The following KANK4 variants were observed in gnomAD, a reference collection of about 807,000 sequenced individuals.
KANK4 encodes KN motif and ankyrin repeat domains 4.
Under a neutral mutation model 80.8 loss-of-function variants are expected in KANK4, and 50 were observed. The observed-to-expected ratio is 0.62, with a 90% CI of 0.49 to 0.78. The LOEUF (loss-of-function observed/expected upper bound fraction) is 0.78, where lower values mean the gene tolerates loss of function less well. Among genes scored for constraint, KANK4 ranks in the 30% least tolerant of loss-of-function variants. The pLI is 0.00. For missense variants in KANK4, 1,196 were observed against 1,240.1 expected (o/e 0.96, Z 0.53); for synonymous variants, 465 against 506.9 (o/e 0.92, Z 1.11).
intron 6 of KANK4, among the ~76,000 whole-genome samples, chr1:62,264,453 C>T (rs1355214623): frequency 1.3e-5 from 2 of 152,188 alleles, no homozygotes; most frequent in African/African-American, 2.4e-5. Context: ...AAATCACTGA[C>T]TCAGCTGTGG....
intron 1 of KANK4, among the ~76,000 whole-genome samples, chr1:62,295,078 A>C (rs1393681882): frequency 6.6e-6 from 1 of 152,238 alleles, no homozygotes; most frequent in Non-Finnish European, 1.5e-5. Flanking sequence ...AAGGTGTCAC[A>C]GAATGGTGGG....
chr1:62,263,730 T>C (rs1371437642), intron 6 of KANK4, among the ~76,000 whole-genome samples: 1 of 152,224 alleles, frequency 6.6e-6, no homozygotes, highest in East Asian at 1.9e-4. Flanking sequence ...TGCGTGTGTT[T>C]AATAGGCATA....
In KANK4 at chr1:62,257,248, C is replaced by T. The variant is rs148134833; in HGVS notation, c.2540-4039G>A. Among the ~76,000 whole-genome samples, 291 of 152,178 alleles carry T rather than the reference C, an allele frequency of 1.9e-3. 2 individuals carry two copies. The South Asian group carries it at 0.04, about 21-fold the overall frequency. On this transcript the variant is annotated intron_variant, in intron 7 of 9. Coordinates refer to ENST00000371153, the MANE Select transcript of KANK4 (RefSeq NM_181712.5). ...GATTACAGGCATGCGCCACCACGCC[C>T]GGCTCATTTTTGTATTTTTAGTAGA...
chr1:62,258,186 A>G (rs1052753222), intron 7 of KANK4, among the ~76,000 whole-genome samples: 1 of 152,254 alleles, frequency 6.6e-6, no homozygotes, highest in Non-Finnish European at 1.5e-5. Context: ...AAGGCAATTA[A>G]GATCTGCTTC....
At chr1:62,312,860 T>C (rs577929616) in intron 1 of KANK4, among the ~76,000 whole-genome samples, 2 of 152,342 alleles carry the variant, frequency 1.3e-5, no homozygotes, top group African/African-American at 4.8e-5. Flanking sequence ...TGTAGGCCAG[T>C]GACCAGCTGT....
At chr1:62,279,191 AGC>A (rs766521694) in intron 2 of KANK4, among the ~76,000 whole-genome samples, 53,211 of 139,240 alleles carry the variant, frequency 0.38, 9,845 homozygotes, top group Middle Eastern at 0.43. Context: ...TTCCTAAGCT[AGC>A]GCGCGCACAC....
At chr1:62,283,230 G>A (rs1269818676) in intron 1 of KANK4, among the ~76,000 whole-genome samples, 1 of 152,162 alleles carries the variant, frequency 6.6e-6, no homozygotes, top group Non-Finnish European at 1.5e-5. Context: ...AGCCTCTCCT[G>A]CTCCTGCTCC....
chr1:62,287,331 T>C (rs1238174092), intron 1 of KANK4, among the ~76,000 whole-genome samples: 1 of 152,200 alleles, frequency 6.6e-6, no homozygotes. Flanking sequence ...CGCCTCCTGG[T>C]GCTCTAACCA....
chr1:62,288,702 T>G (rs576621148), intron 1 of KANK4, among the ~76,000 whole-genome samples: 6 of 152,294 alleles, frequency 3.9e-5, no homozygotes, highest in Non-Finnish European at 8.8e-5. Context: ...GAGAGGAGGC[T>G]GCATTAACCA....
At chr1:62,313,660 T>C (rs911791637) in intron 1 of KANK4, among the ~76,000 whole-genome samples, 6 of 151,706 alleles carry the variant, frequency 4.0e-5, no homozygotes, top group Non-Finnish European at 4.4e-5. Context: ...TGAGAACACA[T>C]GGACACGGGG....
intron 1 of KANK4, among the ~76,000 whole-genome samples, chr1:62,300,366 T>A (rs577713045): frequency 1.3e-5 from 2 of 152,232 alleles, no homozygotes; most frequent in South Asian, 4.1e-4. Flanking sequence ...GACTCATGGA[T>A]GAAAAAGACA....
At chr1:62,265,814 A>C (rs1406058097) in intron 6 of KANK4, among the ~76,000 whole-genome samples, 1 of 152,202 alleles carries the variant, frequency 6.6e-6, no homozygotes, top group African/African-American at 2.4e-5. Flanking sequence ...GTAAGCCATG[A>C]AGGTGTGAAG....
At position 62,273,778 on chromosome 1, in the gene KANK4, A is replaced by G. The variant is rs1186920382; in HGVS notation, c.1326T>C (p.Ser442=). The G allele has an allele frequency of 1.2e-6, 2 of 1,613,946 alleles. No homozygotes were observed. Among genetic ancestry groups the G allele is most frequent in the African/African-American group, 1.3e-5 (1 of 74,884 alleles). The change falls in exon 3 of 10, where the codon TCT becomes TCC. Residue 442 remains serine (S), a synonymous_variant. Transcript: ENST00000371153. The part of the protein sequence containing the change: ...IEVNLLGSME[S]ESWGHRGEEN... ...CCTCTCCTCGGTGCCCCCAGCTTTC[A>G]GACTCCATGCTGCCTAGAAGGTTGA...
chr1:62,297,672 G>A (rs2149164520), intron 1 of KANK4, among the ~76,000 whole-genome samples: 1 of 152,316 alleles, frequency 6.6e-6, no homozygotes, highest in Admixed American at 6.5e-5. Context: ...AAACATGGTT[G>A]GGGACACGCT....
At chr1:62,311,354 GC>G (rs1644497014) in intron 1 of KANK4, among the ~76,000 whole-genome samples, 1 of 151,988 alleles carries the variant, frequency 6.6e-6, no homozygotes, top group African/African-American at 2.4e-5. Flanking sequence ...TGAAACAACT[GC>G]TATATTCAAA....
At chr1:62,297,324 A>G (rs753762511) in intron 1 of KANK4, among the ~76,000 whole-genome samples, 7 of 152,108 alleles carry the variant, frequency 4.6e-5, no homozygotes, top group Non-Finnish European at 8.8e-5. Context: ...CTGTTGTCCT[A>G]TATTGTACAA....
rs778823894 is a variant in KANK4, at chr1:62,274,236, G to A, written c.868C>T (p.Pro290Ser). 4 of 1,614,074 alleles carry A rather than the reference G, an allele frequency of 2.5e-6. No homozygotes were observed. In the South Asian group the frequency reaches 4.4e-5, roughly 18 times the overall value. Residue 290 changes from proline to serine, a missense_variant, in exon 3 of 10, where the codon CCA (proline) becomes TCA (serine). Transcript: ENST00000371153. ...AGCTCATTCTCAGGGATGGGTGATG[G>A]CAGAGGTGGCGGGCTTGGCGTAGGG... ...GSPTPSPPPLPSPIPENELLL... is the reference protein window; with the variant it reads ...GSPTPSPPPLSSPIPENELLL...
chr1:62,299,146 C>T (rs918681553), intron 1 of KANK4, among the ~76,000 whole-genome samples: 2 of 152,018 alleles, frequency 1.3e-5, no homozygotes, highest in Non-Finnish European at 2.9e-5. Flanking sequence ...TAGCCTCGAC[C>T]TCCTAAGTTC....
At chr1:62,308,212 A>G (rs1644468828) in intron 1 of KANK4, among the ~76,000 whole-genome samples, 1 of 152,102 alleles carries the variant, frequency 6.6e-6, no homozygotes. Context: ...GGCTAACTAC[A>G]GTTATGATGG....
Sources: gnomAD v4.1 joint callset for allele counts (sites outside exome capture counted in the v4.1 genomes callset) on GRCh38, gnomAD v4.1.1 for gene constraint, MANE v1.5 for transcripts, NCBI Gene and HGNC (gene_info 2026-07-23, HGNC 2026-07-21) for gene names.